LMO7: variants seen among roughly 807,000 people sequenced by gnomAD.
LMO7 encodes LIM domain 7, also known as LIM domain only protein 7.
In LMO7, 120 loss-of-function variants were observed where a neutral mutation model predicts 206.5. That is an observed-to-expected ratio of 0.58 (90% CI 0.50 to 0.68). LMO7 has a LOEUF of 0.68. LMO7 is among the 30% of genes least tolerant of loss of function. The pLI is 0.00. For missense variants in LMO7, 1,959 were observed against 1,957.9 expected (o/e 1.00, Z -0.01); for synonymous variants, 706 against 681.5 (o/e 1.04, Z -0.56).
chr13:75,856,340 T>G (rs2034042), intron 29 of LMO7, among the ~76,000 whole-genome samples, 166 bp from the exon 30 acceptor site: 151,979 of 152,276 alleles, frequency 1, 75,842 homozygotes, highest in Middle Eastern at 1. Context: ...TATCTGGCGG[T>G]CTTGATTTGA....
intron 1 of LMO7, among the ~76,000 whole-genome samples, chr13:75,642,941 T>C (rs2036684204): frequency 6.6e-6 from 1 of 152,238 alleles, no homozygotes; most frequent in African/African-American, 2.4e-5. Context: ...AGGAGGGTTC[T>C]ATTTCCTCTT....
intron 3 of LMO7, among the ~76,000 whole-genome samples, chr13:75,728,309 T>C (rs913780344): frequency 1.3e-5 from 2 of 152,150 alleles, no homozygotes; most frequent in Admixed American, 6.5e-5. Flanking sequence ...TTTTAATGAT[T>C]GCCATTCTAA....
chr13:75,855,382 A>G lies in LMO7; in HGVS notation c.4770+14A>G. ...CATTGTTTTAAGGTGAGACTGAGACAAACAGCTTGCAGGCCTGCAAAGCTT... is the reference window on the plus strand; with the variant it reads ...CATTGTTTTAAGGTGAGACTGAGACGAACAGCTTGCAGGCCTGCAAAGCTT... On this transcript the variant is annotated intron_variant, in intron 29 of 30. Coordinates refer to ENST00000377534, the MANE Select transcript of LMO7 (RefSeq NM_001306080.2). The G allele has an allele frequency of 6.4e-7, 1 of 1,562,188 alleles. No individual in the cohort carries two copies. Among genetic ancestry groups the G allele is most frequent in the Non-Finnish European group, 8.8e-7 (1 of 1,133,812 alleles).
intron 1 of LMO7, among the ~76,000 whole-genome samples, chr13:75,655,741 C>G (rs1356947298): frequency 6.7e-6 from 1 of 149,810 alleles, no homozygotes; most frequent in Non-Finnish European, 1.5e-5. Context: ...TCCTGAAGTG[C>G]TTGTTGTTTC....
intron 3 of LMO7, among the ~76,000 whole-genome samples, chr13:75,736,432 G>T (rs2045826796): frequency 6.6e-6 from 1 of 152,228 alleles, no homozygotes; most frequent in East Asian, 1.9e-4. Flanking sequence ...CAGATGCCTG[G>T]AAGGGTTGTT....
At chr13:75,844,989 G>T (rs2059873811) in intron 25 of LMO7, among the ~76,000 whole-genome samples, 1 of 152,160 alleles carries the variant, frequency 6.6e-6, no homozygotes, top group Non-Finnish European at 1.5e-5. Flanking sequence ...GATGGCAGAT[G>T]GTTTGTAAGC....
chr13:75,822,562 G>A (rs897981354), intron 14 of LMO7, among the ~76,000 whole-genome samples: 1 of 151,576 alleles, frequency 6.6e-6, no homozygotes, highest in African/African-American at 2.4e-5. Flanking sequence ...CAAGGGAGAG[G>A]GGATTCAAAT....
intron 4 of LMO7, among the ~76,000 whole-genome samples, chr13:75,774,818 C>T (rs2050169079): frequency 6.6e-6 from 1 of 152,036 alleles, no homozygotes; most frequent in East Asian, 1.9e-4. Flanking sequence ...TCTTGTTTCA[C>T]AGTTTGTCTT....
chr13:75,817,399 A>G (rs1435972178), intron 12 of LMO7, 121 bp downstream of exon 12: 3 of 558,552 alleles, frequency 5.4e-6, no homozygotes, highest in Non-Finnish European at 9.3e-6. Flanking sequence ...TCTGTATAAA[A>G]TGTGACCAAC....
intron 1 of LMO7, among the ~76,000 whole-genome samples, chr13:75,682,695 T>C (rs1392408580): frequency 6.6e-6 from 1 of 152,178 alleles, no homozygotes; most frequent in East Asian, 1.9e-4. Context: ...CATTATGGGA[T>C]GTATTACTGT....
At chr13:75,761,807 C>A (rs1391520147) in intron 4 of LMO7, among the ~76,000 whole-genome samples, 1 of 151,996 alleles carries the variant, frequency 6.6e-6, no homozygotes, top group Non-Finnish European at 1.5e-5. Flanking sequence ...TAATAACTAT[C>A]TCTTTGTCAT....
chr13:75,845,344 C>A lies in LMO7; in HGVS notation c.4115C>A (p.Thr1372Asn). The part of the protein sequence containing the change: ...LPGDRNKSRS[T>N]TELDDYSTNK... ...TGTTTTAGGAATAAATCCAGATCTA[C>A]TACTGAACTGGATGATTACTCCACA... is the stretch of plus-strand genomic sequence containing the variant. Residue 1372 changes from threonine to asparagine, a missense_variant, in exon 26 of 31, where the codon ACT becomes AAT. Physicochemically the swap from Thr to Asn is moderately conservative, Grantham distance 65. Transcript: ENST00000377534. The A allele has an allele frequency of 6.4e-7, 1 of 1,571,128 alleles. No individual in the cohort carries two copies. The highest frequency in any genetic ancestry group is 8.7e-7 in the Non-Finnish European group (1 of 1,144,978).
intron 10 of LMO7, among the ~76,000 whole-genome samples, chr13:75,808,816 G>A (rs925226844): frequency 6.6e-6 from 1 of 152,162 alleles, no homozygotes; most frequent in Non-Finnish European, 1.5e-5. Context: ...TTTGATGAAT[G>A]TTCAGTTTGT....
intron 2 of LMO7, among the ~76,000 whole-genome samples, chr13:75,626,226 T>C (rs1373540380): frequency 1.1e-4 from 17 of 152,142 alleles, no homozygotes; most frequent in Admixed American, 1.1e-3. Context: ...TTCACACTGC[T>C]GATAAAGACA....
intron 4 of LMO7, among the ~76,000 whole-genome samples, chr13:75,788,106 C>G (rs1595003001): frequency 6.6e-6 from 1 of 152,128 alleles, no homozygotes; most frequent in East Asian, 1.9e-4. Context: ...ATAGCCCCTT[C>G]CCTTAGAGAC....
intron 22 of LMO7, 53 bp from the exon 23 acceptor site, chr13:75,841,056 C>A: frequency 9.1e-7 from 1 of 1,103,738 alleles, no homozygotes. Flanking sequence ...AAAGAAGATT[C>A]CTAATGTGAA....
At chr13:75,641,504 C>T (rs2036525392) in intron 1 of LMO7, among the ~76,000 whole-genome samples, 1 of 152,194 alleles carries the variant, frequency 6.6e-6, no homozygotes, top group Non-Finnish European at 1.5e-5. Flanking sequence ...TTTTATCACT[C>T]AAGAGAGTTC....
intron 27 of LMO7, among the ~76,000 whole-genome samples, chr13:75,851,851 A>C (rs1191282401): frequency 6.6e-6 from 1 of 152,188 alleles, no homozygotes; most frequent in Non-Finnish European, 1.5e-5. Context: ...GTGCTACATA[A>C]ATGAGACCTT....
chr13:75,630,390 C>T (rs1267992035), intron 2 of LMO7, among the ~76,000 whole-genome samples: 2 of 152,110 alleles, frequency 1.3e-5, no homozygotes, highest in Non-Finnish European at 2.9e-5. Flanking sequence ...CCACTGTTGG[C>T]AGCTGGGCAC....
Sources: gnomAD v4.1 joint callset for allele counts (sites outside exome capture counted in the v4.1 genomes callset) on GRCh38, gnomAD v4.1.1 for gene constraint, MANE v1.5 for transcripts, NCBI Gene and HGNC (gene_info 2026-07-23, HGNC 2026-07-21) for gene names.